The following NBAS variants were observed in gnomAD, a reference collection of about 807,000 sequenced individuals.
NBAS encodes the protein NBAS subunit of NRZ tethering complex, also known as NAG/BC035112 fusion.
Under a neutral mutation model 302.5 loss-of-function variants are expected in NBAS, and 219 were observed. That is an observed-to-expected ratio of 0.72 (90% confidence interval 0.65 to 0.81). The LOEUF (loss-of-function observed/expected upper bound fraction) is 0.81, where lower values mean the gene tolerates loss of function less well. Ranked by LOEUF, NBAS falls within the 30% of genes least tolerant of loss-of-function variation. The probability of loss-of-function intolerance (pLI) is 0.00; values close to 1 mark genes in which losing one functional copy is unlikely to be tolerated. For missense variants in NBAS, 2,932 were observed against 2,841.6 expected (o/e 1.03, Z -0.72); for synonymous variants, 1,118 against 1,021.6 (o/e 1.09, Z -1.80).
At chr2:15,477,339 G>A (rs373546885) in intron 13 of NBAS, among the ~76,000 whole-genome samples, 14 of 151,902 alleles carry the variant, frequency 9.2e-5, no homozygotes, top group African/African-American at 3.4e-4. Context: ...TCGGCTCACT[G>A]CAACCTCTGC....
At chr2:14,921,671 G>A in the NBAS span, among the ~76,000 whole-genome samples, 1 of 152,096 alleles carries the variant, frequency 6.6e-6, no homozygotes, top group South Asian at 2.1e-4. Flanking sequence ...TGGGCTTAGG[G>A]GACCATCTTC....
the NBAS span, among the ~76,000 whole-genome samples, chr2:14,988,871 G>C: frequency 6.6e-6 from 1 of 152,132 alleles, no homozygotes; most frequent in East Asian, 1.9e-4. Flanking sequence ...AAAAATGTTA[G>C]GCATGTGACA....
At chr2:14,909,005 C>T in the NBAS span, among the ~76,000 whole-genome samples, 2 of 152,258 alleles carry the variant, frequency 1.3e-5, no homozygotes, top group Admixed American at 6.5e-5. Flanking sequence ...TCTTTTTATA[C>T]GTTCCCCCAA....
chr2:14,926,399 G>C, the NBAS span, among the ~76,000 whole-genome samples: 1 of 152,240 alleles, frequency 6.6e-6, no homozygotes, highest in East Asian at 1.9e-4. Context: ...GATGACCATG[G>C]TTCCAACACA....
chr2:15,031,466 A>G, the NBAS span, among the ~76,000 whole-genome samples: 1 of 152,206 alleles, frequency 6.6e-6, no homozygotes, highest in African/African-American at 2.4e-5. Context: ...ATGAATGCCA[A>G]CTAATCCCAT....
intron 15 of NBAS, 33 bp downstream of exon 15, chr2:15,474,034 T>C: frequency 6.2e-7 from 1 of 1,613,932 alleles, no homozygotes; most frequent in South Asian, 1.1e-5. Flanking sequence ...CTTGATGACT[T>C]CAAACTTGGG....
the NBAS span, among the ~76,000 whole-genome samples, chr2:14,917,570 A>G: frequency 1.3e-5 from 2 of 152,238 alleles, no homozygotes; most frequent in African/African-American, 4.8e-5. Context: ...AATACCAGGA[A>G]GCAGAGATTA....
Position 15,328,309 on chromosome 2 carries a change from G to C in NBAS, c.4351C>G (p.Gln1451Glu), listed in dbSNP as rs532091518. The C allele has an allele frequency of 2.5e-5, 40 of 1,612,998 alleles. No individual in the cohort carries two copies. Among genetic ancestry groups the C allele is most frequent in the Non-Finnish European group, 3.3e-5 (39 of 1,179,458 alleles). The change falls in exon 37 of 52, where the codon CAA becomes GAA. Residue 1451 changes from glutamine (Q) to glutamate (E), a missense_variant. Coordinates refer to ENST00000281513, the MANE Select transcript of NBAS (RefSeq NM_015909.4). ...ATTTGATATGCACCACCACATTTTT[G>C]CCCCTAAAAAGAAAAAAAGTACAGA... is the stretch of plus-strand genomic sequence containing the variant. The part of the protein sequence containing the change: ...SLTYLRPLQG[Q>E]KCGGAYQIGT...
the NBAS span, among the ~76,000 whole-genome samples, chr2:15,059,004 T>C: frequency 6.6e-6 from 1 of 152,200 alleles, no homozygotes. Context: ...TTGAGCAATG[T>C]TCTGTCTTCC....
intron 44 of NBAS, among the ~76,000 whole-genome samples, chr2:15,268,742 G>A (rs1669187642): frequency 6.6e-6 from 1 of 152,100 alleles, no homozygotes. Context: ...AAACTGACAT[G>A]GAAAACAAAG....
At chr2:15,431,290 C>T (rs1159721022) in intron 21 of NBAS, among the ~76,000 whole-genome samples, 2 of 151,890 alleles carry the variant, frequency 1.3e-5, no homozygotes, top group African/African-American at 4.8e-5. Flanking sequence ...CATGTAAAAA[C>T]AAAAAAACCC....
At chr2:14,895,505 A>G in the NBAS span, among the ~76,000 whole-genome samples, 2 of 152,130 alleles carry the variant, frequency 1.3e-5, no homozygotes, top group African/African-American at 4.8e-5. Flanking sequence ...TTGGGAGGAA[A>G]AGGCGGGTGG....
At chr2:14,867,753 A>G in the NBAS span, among the ~76,000 whole-genome samples, 1 of 152,166 alleles carries the variant, frequency 6.6e-6, no homozygotes, top group Non-Finnish European at 1.5e-5. Flanking sequence ...TTTATTTGCT[A>G]TTGTAAAGAA....
At chr2:15,109,268 G>A in the NBAS span, among the ~76,000 whole-genome samples, 2 of 152,086 alleles carry the variant, frequency 1.3e-5, no homozygotes, top group Non-Finnish European at 2.9e-5. Context: ...AAAAATATTT[G>A]TTGAATCTAT....
chr2:14,819,617 A>T, the NBAS span, among the ~76,000 whole-genome samples: 1 of 152,232 alleles, frequency 6.6e-6, no homozygotes, highest in African/African-American at 2.4e-5. Context: ...AGTCATAGAC[A>T]AATATCTTTC....
intron 38 of NBAS, among the ~76,000 whole-genome samples, chr2:15,315,039 A>G (rs1558526874): frequency 6.6e-6 from 1 of 152,142 alleles, no homozygotes; most frequent in Non-Finnish European, 1.5e-5. Context: ...AGAGGCTAAG[A>G]CTTTCTAGGG....
At chr2:14,853,025 TCCAAAACA>T in the NBAS span, among the ~76,000 whole-genome samples, 1 of 149,316 alleles carries the variant, frequency 6.7e-6, no homozygotes, top group Non-Finnish European at 1.5e-5. Context: ...GGACTTCATG[TCCAAAACA>T]CCAAAAGCAA....
At chr2:15,515,837 A>G (rs1298068934) in intron 9 of NBAS, among the ~76,000 whole-genome samples, 1 of 152,206 alleles carries the variant, frequency 6.6e-6, no homozygotes, top group Non-Finnish European at 1.5e-5. Flanking sequence ...AATATACTCA[A>G]TAAATGTTTG....
At chr2:15,055,399 T>C in the NBAS span, among the ~76,000 whole-genome samples, 1 of 152,202 alleles carries the variant, frequency 6.6e-6, no homozygotes, top group Non-Finnish European at 1.5e-5. Flanking sequence ...TGAGCCCTTC[T>C]TCTACCTTCT....
Sources: allele counts gnomAD v4.1 joint callset (sites outside exome capture counted in the v4.1 genomes callset), GRCh38; gene constraint gnomAD v4.1.1; transcripts MANE v1.5; gene names NCBI Gene and HGNC (gene_info 2026-07-23, HGNC 2026-07-21).